UBE2H: variants seen among roughly 807,000 people sequenced by gnomAD.
The protein encoded by UBE2H is ubiquitin conjugating enzyme E2 H.
A neutral mutation model predicts 29.0 loss-of-function variants in UBE2H; 3 were observed. That is an observed-to-expected ratio of 0.10 (90% confidence interval 0.05 to 0.27). The LOEUF (loss-of-function observed/expected upper bound fraction) is 0.27, where lower values mean the gene tolerates loss of function less well. Among genes scored for constraint, UBE2H ranks in the 10% least tolerant of loss-of-function variants. The pLI is 1.00. For synonymous variants in UBE2H, 69 were observed against 82.9 expected, an observed-to-expected ratio of 0.83 and a Z score of 0.91; for missense variants, 68 against 228.2, an observed-to-expected ratio of 0.30 and a Z score of 4.52.
intron 3 of UBE2H, among the ~76,000 whole-genome samples, chr7:129,874,714 T>C (rs915980825): frequency 1.3e-5 from 2 of 151,868 alleles, no homozygotes; most frequent in African/African-American, 2.4e-5. Flanking sequence ...ATTTTTCAGT[T>C]CATATGAAGA....
At chr7:129,883,108 C>A (rs1487209132) in intron 1 of UBE2H, among the ~76,000 whole-genome samples, 1 of 152,196 alleles carries the variant, frequency 6.6e-6, no homozygotes, top group Non-Finnish European at 1.5e-5. Flanking sequence ...AAAGATATTT[C>A]TTCACTATAA....
intron 3 of UBE2H, among the ~76,000 whole-genome samples, chr7:129,866,206 G>A (rs1805901987): frequency 6.6e-6 from 1 of 152,146 alleles, no homozygotes; most frequent in Non-Finnish European, 1.5e-5. Context: ...AACTGATCCT[G>A]TGTGTGTTCA....
At chr7:129,952,314 A>G (rs973784858) in intron 1 of UBE2H, among the ~76,000 whole-genome samples, 189 bp downstream of exon 1, 1 of 152,210 alleles carries the variant, frequency 6.6e-6, no homozygotes, top group East Asian at 1.9e-4. Flanking sequence ...TGCTGCGGAG[A>G]AAAGGCGAGC....
At chr7:129,923,216 CCATT>C (rs1205844085) in intron 1 of UBE2H, among the ~76,000 whole-genome samples, 7 of 152,126 alleles carry the variant, frequency 4.6e-5, no homozygotes, top group African/African-American at 1.7e-4. Flanking sequence ...CTTAATATTG[CCATT>C]ATTATGCAAT....
intron 2 of UBE2H, 105 bp downstream of exon 2, chr7:129,880,790 C>G (rs1806237681): frequency 1.0e-6 from 1 of 961,498 alleles, no homozygotes; most frequent in Admixed American, 2.8e-5. Context: ...TCCAACTAAA[C>G]TTGCTTTTCA....
intron 1 of UBE2H, among the ~76,000 whole-genome samples, chr7:129,898,808 C>T (rs895212674): frequency 6.7e-5 from 7 of 104,312 alleles, no homozygotes; most frequent in African/African-American, 2.1e-4. Context: ...TGTTGAGTTG[C>T]AGGCCTTTTT....
chr7:129,927,395 C>G (rs1807292269), intron 1 of UBE2H, among the ~76,000 whole-genome samples: 1 of 152,102 alleles, frequency 6.6e-6, no homozygotes, highest in African/African-American at 2.4e-5. Flanking sequence ...CAAAAATTAG[C>G]CGGGCGTGGT....
At chr7:129,850,167 GA>G (rs879291018) in intron 5 of UBE2H, among the ~76,000 whole-genome samples, 8 of 151,994 alleles carry the variant, frequency 5.3e-5, no homozygotes, top group Non-Finnish European at 1.0e-4. Flanking sequence ...AGGGGTTCGA[GA>G]CCAGCCTGGA....
rs375884538 is a variant in UBE2H at position 129,835,045 on chromosome 7, G to A, written c.444C>T (p.Tyr148=). 1.2e-4 allele frequency: 195 copies of A among 1,613,896 alleles called. No homozygotes were observed. Among genetic ancestry groups the A allele is most frequent in the Middle Eastern group, 4.9e-4 (3 of 6,084 alleles). Residue 148 remains tyrosine (Y), a synonymous_variant, in exon 7 of 7, where the codon TAC becomes TAT. Coordinates refer to ENST00000355621, the MANE Select transcript of UBE2H (RefSeq NM_003344.4). Reference sequence around the variant, plus strand: ...GTTCTTTCAGCGCCTCCTCCGTGGCGTATTTCTGGATGTACTCTGCACGGG... The same window carrying A: ...GTTCTTTCAGCGCCTCCTCCGTGGCATATTTCTGGATGTACTCTGCACGGG... ...KQKIKEYIQK[Y]ATEEALKEQE...
intron 3 of UBE2H, among the ~76,000 whole-genome samples, chr7:129,865,931 T>C (rs1020083058): frequency 6.6e-6 from 1 of 152,136 alleles, no homozygotes; most frequent in African/African-American, 2.4e-5. Flanking sequence ...GTAGGGGTGT[T>C]CCAATTGAGT....
intron 5 of UBE2H, chr7:129,839,657 G>C: frequency 1.1e-5 from 3 of 283,490 alleles, no homozygotes; most frequent in South Asian, 9.7e-5. Flanking sequence ...CACTCTGAAA[G>C]GTATTCAGAT....
intron 5 of UBE2H, among the ~76,000 whole-genome samples, chr7:129,851,416 A>G (rs368395426): frequency 2.0e-5 from 3 of 152,224 alleles, no homozygotes; most frequent in Non-Finnish European, 4.4e-5. Flanking sequence ...CTGTCATACT[A>G]AAACTCGCTA....
intron 1 of UBE2H, among the ~76,000 whole-genome samples, chr7:129,886,758 G>GT (rs1554435085): frequency 2.5e-5 from 1 of 40,298 alleles, no homozygotes; most frequent in African/African-American, 9.5e-5. Flanking sequence ...CTGGTTTTTT[G>GT]TTTTTTGGTA....
chr7:129,880,565 T>G (rs1435256218), intron 2 of UBE2H, among the ~76,000 whole-genome samples: 1 of 152,198 alleles, frequency 6.6e-6, no homozygotes, highest in Non-Finnish European at 1.5e-5. Flanking sequence ...ACATTTGCGT[T>G]GTGTTAGCTA....
chr7:129,934,999 G>GTA (rs530473433), intron 1 of UBE2H, among the ~76,000 whole-genome samples: 166 of 150,648 alleles, frequency 1.1e-3, no homozygotes, highest in African/African-American at 3.6e-3. Flanking sequence ...ATATGTGTGT[G>GTA]TATATGTGTG....
intron 1 of UBE2H, 123 bp from the exon 2 acceptor site, chr7:129,881,094 C>G: frequency 1.5e-6 from 1 of 673,234 alleles, no homozygotes; most frequent in Non-Finnish European, 2.4e-6. Flanking sequence ...ATAAAATATA[C>G]ATAATAATTC....
At chr7:129,867,699 TAAA>T (rs59742626) in intron 3 of UBE2H, among the ~76,000 whole-genome samples, 2 of 29,638 alleles carry the variant, frequency 6.7e-5, no homozygotes, top group East Asian at 1.1e-3. Flanking sequence ...TAGAGTATAA[TAAA>T]AAAAAAAAAA....
intron 1 of UBE2H, among the ~76,000 whole-genome samples, chr7:129,927,160 T>C (rs1022452980): frequency 6.6e-6 from 1 of 152,234 alleles, no homozygotes; most frequent in Non-Finnish European, 1.5e-5. Flanking sequence ...ATGGTCCTAT[T>C]ATTTTTATAC....
intron 1 of UBE2H, among the ~76,000 whole-genome samples, chr7:129,943,405 A>T (rs1285994817): frequency 6.6e-6 from 1 of 152,238 alleles, no homozygotes; most frequent in East Asian, 1.9e-4. Context: ...TTTCACAATA[A>T]AAATTTAATT....
Sources: allele counts gnomAD v4.1 joint callset (sites outside exome capture counted in the v4.1 genomes callset), GRCh38; gene constraint gnomAD v4.1.1; transcripts MANE v1.5; gene names NCBI Gene and HGNC (gene_info 2026-07-23, HGNC 2026-07-21).